The following FREM1 variants were observed in gnomAD, a reference collection of about 807,000 sequenced individuals.
FREM1 encodes the protein FRAS1-related extracellular matrix protein 1.
Under a neutral mutation model 210.1 loss-of-function variants are expected in FREM1, and 220 were observed. That is an observed-to-expected ratio of 1.05 (90% CI 0.94 to 1.17). The LOEUF (loss-of-function observed/expected upper bound fraction) is 1.17, where lower values mean the gene tolerates loss of function less well. Among genes scored for constraint, FREM1 ranks in the 50% most tolerant of loss-of-function variants. The pLI is 0.00. For missense variants in FREM1, 3,454 were observed against 2,675.5 expected, an observed-to-expected ratio of 1.29 and a Z score of -6.42; for synonymous variants, 1,189 against 980.2, an observed-to-expected ratio of 1.21 and a Z score of -3.98.
chr9:14,806,101 T>C (rs1008468959), intron 18 of FREM1, among the ~76,000 whole-genome samples: 2 of 152,234 alleles, frequency 1.3e-5, no homozygotes, highest in East Asian at 1.9e-4. Flanking sequence ...TGTTTATTCT[T>C]GTATTTTCCA....
At chr9:14,839,721 T>C (rs1279761372) in intron 10 of FREM1, among the ~76,000 whole-genome samples, 1 of 152,142 alleles carries the variant, frequency 6.6e-6, no homozygotes. Context: ...TTATAAAATA[T>C]ATAACAACGA....
intron 10 of FREM1, among the ~76,000 whole-genome samples, chr9:14,827,874 A>G (rs1275121531): frequency 6.6e-6 from 1 of 152,222 alleles, no homozygotes; most frequent in African/African-American, 2.4e-5. Flanking sequence ...AAGCAGGCCC[A>G]GGAACCACTT....
chr9:14,863,219 T>C (rs1004292597), intron 3 of FREM1, among the ~76,000 whole-genome samples: 1 of 151,480 alleles, frequency 6.6e-6, no homozygotes, highest in African/African-American at 2.4e-5. Flanking sequence ...TGGGCGCCTG[T>C]AGTCCCAGCT....
chr9:14,797,253 A>G (rs997077543), intron 21 of FREM1, among the ~76,000 whole-genome samples: 3 of 152,222 alleles, frequency 2.0e-5, no homozygotes, highest in African/African-American at 7.2e-5. Context: ...AGTCATTCTT[A>G]TTCTTTACAA....
At chr9:14,906,742 T>C (rs1186191430) in intron 1 of FREM1, among the ~76,000 whole-genome samples, 3 of 152,168 alleles carry the variant, frequency 2.0e-5, no homozygotes, top group Non-Finnish European at 4.4e-5. Context: ...GTGGCTCACA[T>C]ATTTTAAGAG....
intron 22 of FREM1, among the ~76,000 whole-genome samples, chr9:14,789,625 T>C (rs1850965475): frequency 6.6e-6 from 1 of 152,218 alleles, no homozygotes; most frequent in Non-Finnish European, 1.5e-5. Flanking sequence ...GTTTCCAGCC[T>C]TACTAAAGAA....
intron 19 of FREM1, among the ~76,000 whole-genome samples, chr9:14,802,320 A>C (rs960891336): frequency 4.6e-5 from 7 of 152,218 alleles, no homozygotes; most frequent in Non-Finnish European, 8.8e-5. Flanking sequence ...TTTATAAGTG[A>C]TACAAATATT....
intron 10 of FREM1, among the ~76,000 whole-genome samples, chr9:14,827,961 C>G (rs1011621248): frequency 6.6e-6 from 1 of 152,256 alleles, no homozygotes; most frequent in Non-Finnish European, 1.5e-5. Flanking sequence ...AGTGCAAGAG[C>G]TGTGAAAACA....
At chr9:14,868,127 G>A (rs906807358) in intron 2 of FREM1, among the ~76,000 whole-genome samples, 1 of 152,158 alleles carries the variant, frequency 6.6e-6, no homozygotes, top group Non-Finnish European at 1.5e-5. Flanking sequence ...ATGTTTAAGT[G>A]ATGTTAATAG....
chr9:14,837,409 G>A (rs891954645), intron 10 of FREM1, among the ~76,000 whole-genome samples: 10 of 151,284 alleles, frequency 6.6e-5, no homozygotes, highest in South Asian at 6.3e-4. Context: ...TTCTTGCCCC[G>A]TCTTGTATAT....
chr9:14,823,534 T>C (rs1466548230), intron 12 of FREM1, among the ~76,000 whole-genome samples: 1 of 152,218 alleles, frequency 6.6e-6, no homozygotes, highest in Non-Finnish European at 1.5e-5. Context: ...CAAGGAAGAA[T>C]TCTCCTACAG....
At chr9:14,762,531 T>C (rs1284098603) in intron 27 of FREM1, among the ~76,000 whole-genome samples, 3 of 152,278 alleles carry the variant, frequency 2.0e-5, no homozygotes, top group South Asian at 4.2e-4. Context: ...GGAATGTGCA[T>C]GCATTTCCCT....
chr9:14,853,829 A>C (rs1588381972), intron 5 of FREM1, among the ~76,000 whole-genome samples: 1 of 152,330 alleles, frequency 6.6e-6, no homozygotes, highest in Non-Finnish European at 1.5e-5. Flanking sequence ...GAAGATGCAT[A>C]ATTAGAAAAC....
chr9:14,776,140 C>T lies in FREM1; in HGVS notation c.4506G>A (p.Val1502=), dbSNP rs753414801. The change falls in exon 25 of 37, where the codon GTG becomes GTA. Residue 1502 remains valine, a synonymous_variant. Transcript: ENST00000380880. ...HGVFEITLET[V]DRALPVVTRN... Reference sequence around the variant, plus strand: ...TGGTTACCACAGGCAGGGCTCTGTCCACAGTCTCCAGTGTGATCTCAAACA... The same window carrying T: ...TGGTTACCACAGGCAGGGCTCTGTCTACAGTCTCCAGTGTGATCTCAAACA... 4 of 1,578,670 alleles carry T rather than the reference C, an allele frequency of 2.5e-6. No homozygotes were observed. The Admixed American group carries it at 7.0e-5, about 28-fold the overall frequency.
At chr9:14,823,038 A>T in intron 13 of FREM1, 122 bp downstream of exon 13, 3 of 642,170 alleles carry the variant, frequency 4.7e-6, no homozygotes, top group Non-Finnish European at 7.1e-6. Context: ...TACACCATAG[A>T]TGGAAATTTC....
chr9:14,776,056 AAGG>A lies in FREM1; in HGVS notation c.4587_4589del (p.Leu1530del), dbSNP rs1373298517. 3 of 1,613,928 alleles carry A rather than the reference AAGG, an allele frequency of 1.9e-6. No homozygotes were observed. The highest frequency in any genetic ancestry group is 2.5e-6 in the Non-Finnish European group (3 of 1,179,786). ...CAGGTGTATCAGGGTCGGTCAGCTG[AAGG>A]AGGTCAGGGGAAAGCAGGCCCACGG... On this transcript the variant is annotated inframe_deletion, in exon 25 of 37. Transcript: ENST00000380880.
intron 5 of FREM1, among the ~76,000 whole-genome samples, chr9:14,855,608 A>G (rs1007723256): frequency 2.0e-5 from 3 of 152,176 alleles, no homozygotes; most frequent in African/African-American, 7.2e-5. Flanking sequence ...TAAAAATGGT[A>G]AAAATACAGC....
rs943132655 is a variant in FREM1, at chr9:14,767,186, T to C, written c.5204+2538A>G. 3.3e-5 allele frequency among the ~76,000 whole-genome samples: 5 copies of C among 152,302 alleles called. No individual in the cohort carries two copies. The East Asian group carries it at 5.8e-4, about 18-fold the overall frequency. ...TCCAAGTTCGGTGGTTTATTATCTA[T>C]AGTATAAATTCTAGTGTGTTAGATA... On this transcript the variant is annotated intron_variant, in intron 27 of 36. Coordinates refer to ENST00000380880, the MANE Select transcript of FREM1 (RefSeq NM_001379081.2).
chr9:14,772,437 C>T (rs1847738214), intron 25 of FREM1, among the ~76,000 whole-genome samples: 1 of 151,970 alleles, frequency 6.6e-6, no homozygotes. Flanking sequence ...ATGTTCATAA[C>T]ACATGAAGAT....
Sources: allele counts gnomAD v4.1 joint callset (sites outside exome capture counted in the v4.1 genomes callset), GRCh38; gene constraint gnomAD v4.1.1; transcripts MANE v1.5; gene names NCBI Gene and HGNC (gene_info 2026-07-23, HGNC 2026-07-21).